Variants in GJD3 observed in about 807,000 individuals in gnomAD.
GJD3 encodes gap junction protein delta 3, also known as gap junction delta-3 protein.
For missense variants in GJD3, 421 were observed against 448.5 expected, an observed-to-expected ratio of 0.94 and a Z score of 0.55; for synonymous variants, 217 against 226.7, an observed-to-expected ratio of 0.96 and a Z score of 0.38.
chr17:40,362,894 C>G lies in GJD3; in HGVS notation c.*37G>C. The G allele has an allele frequency of 8.4e-7, 1 of 1,185,466 alleles. No individual in the cohort carries two copies. The highest frequency in any genetic ancestry group is 1.0e-6 in the Non-Finnish European group (1 of 956,478). 73.4% of individuals were successfully genotyped at this position (1,185,466 alleles called of 1,614,324 possible). Reference sequence around the variant, plus strand: ...TGCGGGCGGAGGTGGCGGGGTCCGGCCCTCGCCGTCCAGTCCGCGCGAGGC... The same window carrying G: ...TGCGGGCGGAGGTGGCGGGGTCCGGGCCTCGCCGTCCAGTCCGCGCGAGGC... On this transcript the variant is annotated 3_prime_UTR_variant, in exon 1 of 1. Transcript: ENST00000578689.
rs182843306 is a variant in GJD3, at chr17:40,360,816, C to T, written c.*2115G>A. Reference sequence around the variant, plus strand: ...TTGAATGAATACATCTGGAAAACAGCGGCACAGCCCCATCTGGGTTTGTGT... The same window carrying T: ...TTGAATGAATACATCTGGAAAACAGTGGCACAGCCCCATCTGGGTTTGTGT... On this transcript the variant is annotated 3_prime_UTR_variant, in exon 1 of 1. Transcript: ENST00000578689. The T allele has an allele frequency of 4.0e-3, 1,224 of 304,232 alleles. 3 individuals are homozygous for T. Among genetic ancestry groups the T allele is most frequent in the Non-Finnish European group, 5.8e-3 (896 of 155,098 alleles). The allele number at this position is 304,232 out of a possible 1,614,324, so 18.8% of individuals were successfully genotyped here. A position where few individuals can be genotyped will look rare whatever the true frequency, so the allele number is the denominator to read the frequency against.
In GJD3 at chr17:40,361,546, AGTCC is replaced by A. The variant is rs1441917967; in HGVS notation, c.*1381_*1384del. Among the ~76,000 whole-genome samples, 7 of 152,224 alleles carry A rather than the reference AGTCC, an allele frequency of 4.6e-5. No individual in the cohort carries two copies. The highest frequency in any genetic ancestry group is 3.2e-3 in the Middle Eastern group (1 of 316). ...GGATGCGGTGAGGCCCGCAAGGTGC[AGTCC>A]GATGACGGCCCCTGGATTTCTCGCT... On this transcript the variant is annotated 3_prime_UTR_variant, in exon 1 of 1. Coordinates refer to ENST00000578689, the MANE Select transcript of GJD3 (RefSeq NM_152219.4).
chr17:40,361,089 G>A lies in GJD3; in HGVS notation c.*1842C>T, dbSNP rs746077474. 6.7e-6 allele frequency: 3 copies of A among 450,642 alleles called. No individual in the cohort carries two copies. Among genetic ancestry groups the A allele is most frequent in the African/African-American group, 2.0e-5 (1 of 49,754 alleles). The allele number at this position is 450,642 out of a possible 1,614,324, so 27.9% of individuals were successfully genotyped here. ...TGTCTTGGGGTGGGGGCTACCAGGG[G>A]AGCCCTCTCCTTGAAGGTGTCTGTT... On this transcript the variant is annotated 3_prime_UTR_variant, in exon 1 of 1. Coordinates refer to ENST00000578689, the MANE Select transcript of GJD3 (RefSeq NM_152219.4).
At position 40,362,249 on chromosome 17, in the gene GJD3, C is replaced by A. The variant is rs1158990706; in HGVS notation, c.*682G>T. ...TGTGTACAGGTGTGCACACGCAGCC[C>A]ACACAGAATGGACATGTGCGTGTGT... On this transcript the variant is annotated 3_prime_UTR_variant, in exon 1 of 1. Transcript: ENST00000578689. 6.6e-6 allele frequency among the ~76,000 whole-genome samples: 1 copy of A among 152,094 alleles called. No homozygotes were observed. The highest frequency in any genetic ancestry group is 1.9e-4 in the East Asian group (1 of 5,180).
chr17:40,362,872 G>A lies in GJD3; in HGVS notation c.*59C>T. The A allele has an allele frequency of 1.8e-6, 2 of 1,136,396 alleles. No homozygotes were observed. Among genetic ancestry groups the A allele is most frequent in the South Asian group, 4.1e-5 (1 of 24,458 alleles). The allele number at this position is 1,136,396 out of a possible 1,614,324, so 70.4% of individuals were successfully genotyped here. ...AAGCAGCTTCCGGCTTCTGCGGTGC[G>A]GGCGGAGGTGGCGGGGTCCGGCCCT... On this transcript the variant is annotated 3_prime_UTR_variant, in exon 1 of 1. Coordinates refer to ENST00000578689, the MANE Select transcript of GJD3 (RefSeq NM_152219.4).
chr17:40,362,988 G>A lies in GJD3; in HGVS notation c.828C>T (p.Cys276=). 4.1e-6 allele frequency: 5 copies of A among 1,229,102 alleles called. No homozygotes were observed. The highest frequency in any genetic ancestry group is 3.1e-5 in the South Asian group (1 of 32,220). 76.1% of individuals were successfully genotyped at this position (1,229,102 alleles called of 1,614,324 possible). The change falls in exon 1 of 1, where the codon TGC becomes TGT. Residue 276 remains cysteine (C), a synonymous_variant. Transcript: ENST00000578689. The part of the protein sequence containing the change: ...AHPAPASLRE[C]GSGRGKASPA... ...GTGACGCCTTGCCGCGGCCGCTGCC[G>A]CACTCGCGGAGGCTGGCCGGCGCCG...
Position 40,361,241 on chromosome 17 carries a change from C to T in GJD3, c.*1690G>A. ...CGCTTGGCAGCAAGCAGGTCTGGTG[C>T]TTGTTAGAAGAGAAAATTCCCTATG... On this transcript the variant is annotated 3_prime_UTR_variant, in exon 1 of 1. Transcript: ENST00000578689. 2.9e-6 allele frequency: 1 copy of T among 342,838 alleles called. No individual in the cohort carries two copies. The highest frequency in any genetic ancestry group is 5.7e-6 in the Non-Finnish European group (1 of 174,718). The allele number at this position is 342,838 out of a possible 1,614,324, so 21.2% of individuals were successfully genotyped here. A position where few individuals can be genotyped will look rare whatever the true frequency, so the allele number is the denominator to read the frequency against.
rs1485418857 is a variant in GJD3 at position 40,363,115 on chromosome 17, G to A, written c.701C>T (p.Ala234Val). ...DNRCNRAHEE[A>V]QKLLPPPPPP... The stretch of plus-strand genomic sequence containing the variant: ...CGGCGGCGGCGGGAGCAGCTTCTGC[G>A]CCTCTTCGTGTGCACGGTTGCAGCG... Residue 234 changes from alanine to valine, a missense_variant, in exon 1 of 1, where the codon GCG (alanine) becomes GTG (valine). Coordinates refer to ENST00000578689, the MANE Select transcript of GJD3 (RefSeq NM_152219.4). The surrounding 1 kb of genome is among the most constrained non-coding windows in gnomAD (Gnocchi z 5.5). 7.5e-7 allele frequency: 1 copy of A among 1,327,042 alleles called. No homozygotes were observed. Among genetic ancestry groups the A allele is most frequent in the East Asian group, 3.1e-5 (1 of 32,252 alleles). 82.2% of individuals were successfully genotyped at this position (1,327,042 alleles called of 1,614,324 possible).
In GJD3 at chr17:40,362,331, A is replaced by T. The variant is rs550209221; in HGVS notation, c.*600T>A. 1.5e-4 allele frequency among the ~76,000 whole-genome samples: 23 copies of T among 152,250 alleles called. No homozygotes were observed. Among genetic ancestry groups the T allele is most frequent in the Admixed American group, 1.4e-3 (21 of 15,306 alleles). The stretch of plus-strand genomic sequence containing the variant: ...TGTGAGTACACAGCTCTCAAGGGGC[A>T]TATGTTTCTGTGTGCATGTGCACAC... On this transcript the variant is annotated 3_prime_UTR_variant, in exon 1 of 1. Coordinates refer to ENST00000578689, the MANE Select transcript of GJD3 (RefSeq NM_152219.4).
rs2143578174 is a variant in GJD3, at chr17:40,363,071, C to A, written c.745G>T (p.Ala249Ser). 4.0e-6 allele frequency: 5 copies of A among 1,260,144 alleles called. No individual in the cohort carries two copies. In the African/African-American group the frequency reaches 4.7e-5, roughly 12 times the overall value. 78.1% of individuals were successfully genotyped at this position (1,260,144 alleles called of 1,614,324 possible). A position where few individuals can be genotyped will look rare whatever the true frequency, so the allele number is the denominator to read the frequency against. The change falls in exon 1 of 1, where the codon GCC becomes TCC. Residue 249 changes from alanine (A) to serine (S), a missense_variant. Coordinates refer to ENST00000578689, the MANE Select transcript of GJD3 (RefSeq NM_152219.4). This position sits in a 1 kb window ranked among gnomAD's most constrained non-coding sequence, Gnocchi z 5.5. ...GGGCCGGGGCGCCGGGAGGGCAGGG[C>A]CGGTGGCGGAGGTGGCGGCGGCGGC... ...PPPPPPPPPP[A>S]LPSRRPGPEP...
chr17:40,362,900 C>A lies in GJD3; in HGVS notation c.*31G>T. On this transcript the variant is annotated 3_prime_UTR_variant, in exon 1 of 1. Coordinates refer to ENST00000578689, the MANE Select transcript of GJD3 (RefSeq NM_152219.4). ...CGGAGGTGGCGGGGTCCGGCCCTCG[C>A]CGTCCAGTCCGCGCGAGGCGGTGCC... The A allele has an allele frequency of 8.4e-7, 1 of 1,195,694 alleles. No homozygotes were observed. 74.1% of individuals were successfully genotyped at this position (1,195,694 alleles called of 1,614,324 possible). A position where few individuals can be genotyped will look rare whatever the true frequency, so the allele number is the denominator to read the frequency against.
chr17:40,363,646 A>C lies in GJD3; in HGVS notation c.170T>G (p.Leu57Arg), dbSNP rs1431194749. 1.9e-6 allele frequency: 3 copies of C among 1,606,928 alleles called. No homozygotes were observed. The highest frequency in any genetic ancestry group is 1.7e-6 in the Non-Finnish European group (2 of 1,177,586). The change falls in exon 1 of 1, where the codon CTG becomes CGG. Residue 57 changes from leucine (L) to arginine (R), a missense_variant. Coordinates refer to ENST00000578689, the MANE Select transcript of GJD3 (RefSeq NM_152219.4). This position sits in a 1 kb window ranked among gnomAD's most constrained non-coding sequence, Gnocchi z 5.5. ...GCAGGTCTGGCGACAGCCCGGCTGC[A>C]GCGTGTTGCACACGAACTCCTCTTG... ...DEQEEFVCNT[L>R]QPGCRQTCYD...
In GJD3 at chr17:40,361,811, G is replaced by A. The variant is rs917021856; in HGVS notation, c.*1120C>T. On this transcript the variant is annotated 3_prime_UTR_variant, in exon 1 of 1. Transcript: ENST00000578689. ...GTTTATAGCCTGGGGGAGCAGTAGCGGCGGGGAGGATGAAGATGGAGGAGG... is the reference window on the plus strand; with the variant it reads ...GTTTATAGCCTGGGGGAGCAGTAGCAGCGGGGAGGATGAAGATGGAGGAGG... Among the ~76,000 whole-genome samples the A allele has an allele frequency of 6.6e-6, 1 of 152,138 alleles. No homozygotes were observed. The highest frequency in any genetic ancestry group is 2.4e-5 in the African/African-American group (1 of 41,432).
chr17:40,363,904 G>T lies in GJD3; in HGVS notation c.-89C>A, dbSNP rs1307590751. On this transcript the variant is annotated 5_prime_UTR_variant, in exon 1 of 1. Coordinates refer to ENST00000578689, the MANE Select transcript of GJD3 (RefSeq NM_152219.4). The surrounding 1 kb of genome is among the most constrained non-coding windows in gnomAD (Gnocchi z 5.5). ...AAGCCTATCGGGGTGGGGTCCGTTG[G>T]ACCTTCTCTGACTTCAGGGTGAGTC... is the stretch of plus-strand genomic sequence containing the variant. 36 of 1,465,846 alleles carry T rather than the reference G, an allele frequency of 2.5e-5. No individual in the cohort carries two copies. Among genetic ancestry groups the T allele is most frequent in the Non-Finnish European group, 1.8e-6 (2 of 1,102,250 alleles). 90.8% of individuals were successfully genotyped at this position (1,465,846 alleles called of 1,614,324 possible). A position where few individuals can be genotyped will look rare whatever the true frequency, so the allele number is the denominator to read the frequency against.
chr17:40,362,866 C>T lies in GJD3; in HGVS notation c.*65G>A. Reference sequence around the variant, plus strand: ...TGGTGGAAGCAGCTTCCGGCTTCTGCGGTGCGGGCGGAGGTGGCGGGGTCC... The same window carrying T: ...TGGTGGAAGCAGCTTCCGGCTTCTGTGGTGCGGGCGGAGGTGGCGGGGTCC... On this transcript the variant is annotated 3_prime_UTR_variant, in exon 1 of 1. Transcript: ENST00000578689. The T allele has an allele frequency of 3.6e-6, 4 of 1,123,866 alleles. No individual in the cohort carries two copies. The highest frequency in any genetic ancestry group is 4.5e-5 in the East Asian group (1 of 22,044). 69.6% of individuals were successfully genotyped at this position (1,123,866 alleles called of 1,614,324 possible).
chr17:40,363,203 T>G lies in GJD3; in HGVS notation c.613A>C (p.Ser205Arg), dbSNP rs1208586348. 2.8e-5 allele frequency: 40 copies of G among 1,449,858 alleles called. No homozygotes were observed. Among genetic ancestry groups the G allele is most frequent in the Non-Finnish European group, 3.6e-5 (40 of 1,100,454 alleles). The allele number at this position is 1,449,858 out of a possible 1,614,324, so 89.8% of individuals were successfully genotyped here. A position where few individuals can be genotyped will look rare whatever the true frequency, so the allele number is the denominator to read the frequency against. The change falls in exon 1 of 1, where the codon AGC (serine) becomes CGC (arginine). Residue 205 changes from serine to arginine, a missense_variant. Coordinates refer to ENST00000578689, the MANE Select transcript of GJD3 (RefSeq NM_152219.4). This position sits in a 1 kb window ranked among gnomAD's most constrained non-coding sequence, Gnocchi z 5.5. ...FAVGLLSALLSVAELGHLLWK... is the reference protein window; with the variant it reads ...FAVGLLSALLRVAELGHLLWK... Reference sequence around the variant, plus strand: ...AGCAGGTGGCCCAGCTCGGCTACGCTGAGCAGCGCCGACAGCAGCCCCACC... The same window carrying G: ...AGCAGGTGGCCCAGCTCGGCTACGCGGAGCAGCGCCGACAGCAGCCCCACC...
In GJD3 at chr17:40,362,155, C is replaced by G. The variant is rs950924694; in HGVS notation, c.*776G>C. ...CCCGCAGTGCATATCAGAGATCACA[C>G]ACACACGCGTGCACACACAGAGGTC... On this transcript the variant is annotated 3_prime_UTR_variant, in exon 1 of 1. Coordinates refer to ENST00000578689, the MANE Select transcript of GJD3 (RefSeq NM_152219.4). Among the ~76,000 whole-genome samples the G allele has an allele frequency of 6.6e-6, 1 of 152,156 alleles. No homozygotes were observed. The highest frequency in any genetic ancestry group is 2.4e-5 in the African/African-American group (1 of 41,414).
In GJD3 at chr17:40,362,938, G is replaced by C. The variant is rs1378336117; in HGVS notation, c.878C>G (p.Ala293Gly). Residue 293 changes from alanine (A) to glycine (G), a missense_variant, in exon 1 of 1, where the codon GCC (alanine) becomes GGC (glycine). By Grantham distance (60) the Ala-to-Gly change is moderately conservative. Transcript: ENST00000578689. ...ASPATGRRDL[A>G]I ...GCGAGGCGGTGCCCGCCCCTAGATG[G>C]CCAGATCTCGGCGGCCGGTGGCCGG... The C allele has an allele frequency of 1.4e-5, 18 of 1,242,390 alleles. No homozygotes were observed. The highest frequency in any genetic ancestry group is 1.8e-5 in the Non-Finnish European group (18 of 990,654). The allele number at this position is 1,242,390 out of a possible 1,614,324, so 77.0% of individuals were successfully genotyped here.
Position 40,362,964 on chromosome 17 carries a change from T to C in GJD3, c.852A>G (p.Ser284=). The C allele has an allele frequency of 8.0e-7, 1 of 1,244,296 alleles. No individual in the cohort carries two copies. The highest frequency in any genetic ancestry group is 1.0e-6 in the Non-Finnish European group (1 of 991,876). 77.1% of individuals were successfully genotyped at this position (1,244,296 alleles called of 1,614,324 possible). The part of the protein sequence containing the change: ...RECGSGRGKA[S]PATGRRDLAI ...CCAGATCTCGGCGGCCGGTGGCCGGTGACGCCTTGCCGCGGCCGCTGCCGC... is the reference window on the plus strand; with the variant it reads ...CCAGATCTCGGCGGCCGGTGGCCGGCGACGCCTTGCCGCGGCCGCTGCCGC... Residue 284 remains serine, a synonymous_variant, in exon 1 of 1, where the codon TCA becomes TCG. Transcript: ENST00000578689.
Sources: allele counts gnomAD v4.1 joint callset (sites outside exome capture counted in the v4.1 genomes callset), GRCh38; gene constraint gnomAD v4.1.1; non-coding constraint Gnocchi (gnomAD v3.1); transcripts MANE v1.5; gene names NCBI Gene and HGNC (gene_info 2026-07-23, HGNC 2026-07-21).